Variants in TFEC observed in about 807,000 individuals in gnomAD.
TFEC encodes transcription factor EC.
TFEC carries 31 observed loss-of-function variants against 41.6 expected under a neutral mutation model. The ratio of observed to expected loss-of-function variants is 0.74; its 90% confidence interval spans 0.56 to 1.01. The LOEUF is 1.01. TFEC is among the 50% of genes least tolerant of loss of function. TFEC has a pLI of 0.00. For missense variants in TFEC, 402 were observed against 404.1 expected (o/e 0.99, Z 0.04); for synonymous variants, 143 against 140.6 (o/e 1.02, Z -0.12).
At chr7:116,063,131 A>G (rs896044355) in intron 3 of TFEC, among the ~76,000 whole-genome samples, 1 of 152,220 alleles carries the variant, frequency 6.6e-6, no homozygotes, top group Non-Finnish European at 1.5e-5. Flanking sequence ...TACAACATGG[A>G]TGGATCTCAA....
Position 116,091,171 on chromosome 7 carries a change from C to T in TFEC, c.198+19537G>A, listed in dbSNP as rs571482895. 7.9e-4 allele frequency among the ~76,000 whole-genome samples: 120 copies of T among 152,222 alleles called. 1 individual carries two copies. Among genetic ancestry groups the T allele is most frequent in the African/African-American group, 2.7e-3 (114 of 41,556 alleles). The stretch of plus-strand genomic sequence containing the variant: ...TGAACTGTAGACTTAAAAGAGAATA[C>T]ACAAGAAATACTTTTTCTTCTAATT... On this transcript the variant is annotated intron_variant, in intron 3 of 8. Coordinates refer to the TFEC transcript ENST00000484212.
rs1450288672 is a variant in TFEC, at chr7:115,939,784, G to A, written c.*767C>T. The A allele has an allele frequency of 2.6e-5, 4 of 152,020 alleles. No homozygotes were observed. The East Asian group carries it at 7.7e-4, about 29-fold the overall frequency. 9.4% of individuals were successfully genotyped at this position (152,020 alleles called of 1,614,324 possible). On this transcript the variant is annotated 3_prime_UTR_variant, in exon 8 of 8. Coordinates refer to ENST00000265440, the MANE Select transcript of TFEC (RefSeq NM_012252.4). The stretch of plus-strand genomic sequence containing the variant: ...ATGATGTGCATATGTGTATGTGTAT[G>A]TTTGTGTGAAGGGATACAATTCTGG...
At chr7:115,999,707 T>C (rs1184957050) in intron 1 of TFEC, among the ~76,000 whole-genome samples, 1 of 151,930 alleles carries the variant, frequency 6.6e-6, no homozygotes, top group African/African-American at 2.4e-5. Context: ...AGCAAGTATA[T>C]GCCAATAAAT....
intron 1 of TFEC, among the ~76,000 whole-genome samples, chr7:116,146,069 G>C (rs949146113): frequency 2.0e-5 from 3 of 152,100 alleles, no homozygotes; most frequent in African/African-American, 4.8e-5. Flanking sequence ...AAAAACCTAC[G>C]AGTACAGTAT....
chr7:116,064,689 T>C (rs925041930), intron 3 of TFEC, among the ~76,000 whole-genome samples: 5 of 152,052 alleles, frequency 3.3e-5, no homozygotes, highest in African/African-American at 1.2e-4. Context: ...ATTCTGCACA[T>C]GTATCCCAGA....
At chr7:116,108,217 T>C (rs1191801201) in intron 3 of TFEC, among the ~76,000 whole-genome samples, 1 of 152,184 alleles carries the variant, frequency 6.6e-6, no homozygotes, top group East Asian at 1.9e-4. Context: ...TAAATAAGCA[T>C]TGTTATTGAA....
intron 3 of TFEC, among the ~76,000 whole-genome samples, chr7:116,064,196 T>C (rs1047520620): frequency 6.6e-6 from 1 of 152,064 alleles, no homozygotes; most frequent in Non-Finnish European, 1.5e-5. Context: ...GAATGTACTA[T>C]ATTGTTAAAA....
intron 1 of TFEC, among the ~76,000 whole-genome samples, chr7:116,155,757 A>T (rs1798857634): frequency 6.6e-6 from 1 of 152,164 alleles, no homozygotes; most frequent in Admixed American, 6.6e-5. Context: ...GACTGCTTCT[A>T]TCTTTCTTTT....
At chr7:116,071,983 C>T (rs1796840485) in intron 3 of TFEC, among the ~76,000 whole-genome samples, 1 of 151,446 alleles carries the variant, frequency 6.6e-6, no homozygotes, top group Admixed American at 6.6e-5. Flanking sequence ...AATTAAAGTA[C>T]AGCTATTCAT....
At chr7:116,023,824 C>T (rs1435410697) in intron 1 of TFEC, among the ~76,000 whole-genome samples, 1 of 152,080 alleles carries the variant, frequency 6.6e-6, no homozygotes, top group Non-Finnish European at 1.5e-5. Flanking sequence ...ATTTGGTCTC[C>T]TCAGATTCCC....
At chr7:115,955,705 A>T (rs966777064) in intron 4 of TFEC, among the ~76,000 whole-genome samples, 5 of 152,038 alleles carry the variant, frequency 3.3e-5, no homozygotes, top group Non-Finnish European at 7.4e-5. Flanking sequence ...CAAGTTGCTA[A>T]ATTTCAGGGG....
intron 3 of TFEC, among the ~76,000 whole-genome samples, chr7:116,065,744 A>G (rs944068912): frequency 2.6e-5 from 4 of 152,158 alleles, no homozygotes; most frequent in African/African-American, 7.2e-5. Flanking sequence ...CAAAATGGGA[A>G]CGAAAAGAAG....
At chr7:116,081,122 A>G (rs970054303) in intron 3 of TFEC, among the ~76,000 whole-genome samples, 2 of 151,914 alleles carry the variant, frequency 1.3e-5, no homozygotes, top group African/African-American at 4.8e-5. Flanking sequence ...CCGGAATAGA[A>G]TACCAAACAT....
chr7:116,124,662 C>G (rs1798174798), intron 1 of TFEC, among the ~76,000 whole-genome samples: 1 of 152,138 alleles, frequency 6.6e-6, no homozygotes, highest in Non-Finnish European at 1.5e-5. Context: ...ATAACTAGGT[C>G]TCCAGTAAAA....
At chr7:115,943,287 G>C (rs1793600814) in intron 6 of TFEC, among the ~76,000 whole-genome samples, 2 of 151,832 alleles carry the variant, frequency 1.3e-5, no homozygotes, top group Non-Finnish European at 2.9e-5. Context: ...TCTATCTTTG[G>C]TGCTAAACCA....
Position 116,075,116 on chromosome 7 carries a change from T to C in TFEC, c.198+35592A>G, listed in dbSNP as rs566051481. ...GTATTGAAAATGTTCTAAAGTTAGA[T>C]TGTGGTAATGTTTGCACAACTCTGT... On this transcript the variant is annotated intron_variant, in intron 3 of 8. Coordinates refer to the TFEC transcript ENST00000484212. 5.9e-4 allele frequency among the ~76,000 whole-genome samples: 90 copies of C among 152,280 alleles called. 1 individual carries two copies. Among genetic ancestry groups the C allele is most frequent in the African/African-American group, 2.1e-3 (86 of 41,560 alleles).
intron 3 of TFEC, among the ~76,000 whole-genome samples, chr7:116,106,185 T>C (rs1797712969): frequency 6.6e-6 from 1 of 152,142 alleles, no homozygotes; most frequent in Non-Finnish European, 1.5e-5. Context: ...CTCTAAAAAC[T>C]GTCTAATTTC....
At chr7:115,960,084 C>A (rs1296319819) in intron 3 of TFEC, among the ~76,000 whole-genome samples, 1 of 150,842 alleles carries the variant, frequency 6.6e-6, no homozygotes, top group Non-Finnish European at 1.5e-5. Flanking sequence ...AAAAGACCTG[C>A]ATTCAGATAT....
At chr7:115,996,717 G>T (rs546088539) in intron 1 of TFEC, among the ~76,000 whole-genome samples, 1 of 152,152 alleles carries the variant, frequency 6.6e-6, no homozygotes, top group South Asian at 2.1e-4. Flanking sequence ...TAAAGGGAGA[G>T]TCCTGGAGCT....
Sources: allele counts gnomAD v4.1 joint callset (sites outside exome capture counted in the v4.1 genomes callset), GRCh38; gene constraint gnomAD v4.1.1; transcripts MANE v1.5; gene names NCBI Gene and HGNC (gene_info 2026-07-23, HGNC 2026-07-21).